Variants in THSD4 observed in about 807,000 individuals in gnomAD.
THSD4 encodes the protein thrombospondin type 1 domain containing 4, also known as thrombospondin type-1 domain-containing protein 4.
In THSD4, 69 loss-of-function variants were observed where a neutral mutation model predicts 119.0. That is an observed-to-expected ratio of 0.58 (90% confidence interval 0.48 to 0.71). THSD4 has a LOEUF of 0.71. THSD4 is among the 30% of genes least tolerant of loss of function. THSD4 has a pLI of 0.00. For synonymous variants in THSD4, 524 were observed against 540.4 expected (o/e 0.97, Z 0.42); for missense variants, 1,393 against 1,391.1 (o/e 1.00, Z -0.02).
At chr15:71,125,076 A>G (rs1437114124) in intron 1 of THSD4, among the ~76,000 whole-genome samples, 1 of 152,104 alleles carries the variant, frequency 6.6e-6, no homozygotes, top group East Asian at 1.9e-4. Context: ...CCAGCCAGAA[A>G]GAGAAGAGAA....
At chr15:71,679,651 T>C (rs1160882053) in intron 8 of THSD4, among the ~76,000 whole-genome samples, 2 of 152,208 alleles carry the variant, frequency 1.3e-5, no homozygotes, top group African/African-American at 4.8e-5. Context: ...TAAGTGAGGG[T>C]GACCTTGACA....
chr15:71,536,780 ATGTGTTT>A (rs1422515358), intron 7 of THSD4, among the ~76,000 whole-genome samples: 1 of 152,060 alleles, frequency 6.6e-6, no homozygotes, highest in African/African-American at 2.4e-5. Context: ...AGAATCTTTG[ATGTGTTT>A]TGAGTTAATT....
At chr15:71,470,792 C>T (rs536427996) in intron 7 of THSD4, among the ~76,000 whole-genome samples, 6 of 151,918 alleles carry the variant, frequency 3.9e-5, no homozygotes, top group South Asian at 2.1e-4. Flanking sequence ...CCCGCCACCG[C>T]GCCCGGCTAA....
chr15:71,621,233 A>G (rs1317467647), intron 7 of THSD4, among the ~76,000 whole-genome samples: 1 of 152,214 alleles, frequency 6.6e-6, no homozygotes, highest in Non-Finnish European at 1.5e-5. Context: ...TAAAAATACT[A>G]CTTAATTACG....
chr15:71,523,737 A>T (rs1246591838), intron 7 of THSD4, among the ~76,000 whole-genome samples: 1 of 152,176 alleles, frequency 6.6e-6, no homozygotes, highest in African/African-American at 2.4e-5. Context: ...TATTTCATGG[A>T]AGAATTTGCC....
intron 7 of THSD4, among the ~76,000 whole-genome samples, chr15:71,475,238 A>G (rs1343546474): frequency 6.6e-6 from 1 of 152,224 alleles, no homozygotes; most frequent in Non-Finnish European, 1.5e-5. Flanking sequence ...ACCTTTGTTT[A>G]TAGATCTCTG....
intron 7 of THSD4, among the ~76,000 whole-genome samples, chr15:71,603,064 G>T (rs575933942): frequency 6.6e-6 from 1 of 152,188 alleles, no homozygotes; most frequent in Non-Finnish European, 1.5e-5. Context: ...GGGCTTAGCG[G>T]TGAGGTTGGC....
At chr15:71,720,491 C>T (rs1052395879) in intron 8 of THSD4, among the ~76,000 whole-genome samples, 1 of 152,172 alleles carries the variant, frequency 6.6e-6, no homozygotes, top group African/African-American at 2.4e-5. Flanking sequence ...TATATGATTT[C>T]CGTTGGTGAT....
chr15:71,131,427 G>A (rs1405211330), intron 1 of THSD4, among the ~76,000 whole-genome samples: 1 of 151,442 alleles, frequency 6.6e-6, no homozygotes, highest in Non-Finnish European at 1.5e-5. Context: ...GGCCGGGCAC[G>A]GGTGGCTCGC....
intron 3 of THSD4, among the ~76,000 whole-genome samples, chr15:71,209,719 T>C (rs1267164371): frequency 6.6e-6 from 1 of 152,176 alleles, no homozygotes; most frequent in East Asian, 1.9e-4. Context: ...TATGGTTGTG[T>C]CCCCACCCAA....
At chr15:71,111,295 C>G (rs1407719467), upstream of THSD4, 2 of 1,613,976 alleles carry the variant, frequency 1.2e-6, no homozygotes, top group South Asian at 2.2e-5. Flanking sequence ...GTCTGGAAAC[C>G]ATTTTGCTCA....
chr15:71,444,514 C>G (rs1460581187), intron 7 of THSD4, among the ~76,000 whole-genome samples: 2 of 152,320 alleles, frequency 1.3e-5, no homozygotes, highest in Non-Finnish European at 2.9e-5. Flanking sequence ...TCCTGAGCAC[C>G]AGACTCATCT....
At chr15:71,469,337 C>T (rs1447136454) in intron 7 of THSD4, among the ~76,000 whole-genome samples, 2 of 152,216 alleles carry the variant, frequency 1.3e-5, no homozygotes, top group Non-Finnish European at 2.9e-5. Context: ...TTTCCACACA[C>T]ACATCCCAAG....
At chr15:71,281,301 A>G (rs1251302749) in intron 6 of THSD4, among the ~76,000 whole-genome samples, 1 of 152,258 alleles carries the variant, frequency 6.6e-6, no homozygotes, top group Non-Finnish European at 1.5e-5. Context: ...TGTGTCTGTG[A>G]AAAACAGCCA....
chr15:71,619,820 C>T (rs139656654), intron 7 of THSD4, among the ~76,000 whole-genome samples: 500 of 152,306 alleles, frequency 3.3e-3, no homozygotes, highest in Non-Finnish European at 4.8e-3. Flanking sequence ...AGTAACAGTT[C>T]ATTTTTCCAA....
chr15:71,123,995 T>G (rs1478686537), intron 1 of THSD4, among the ~76,000 whole-genome samples: 2 of 152,220 alleles, frequency 1.3e-5, no homozygotes, highest in Admixed American at 1.3e-4. Context: ...ACTTGGTATC[T>G]CGTGATGCTT....
At chr15:71,245,814 G>A (rs2140277424) in intron 5 of THSD4, among the ~76,000 whole-genome samples, 1 of 152,244 alleles carries the variant, frequency 6.6e-6, no homozygotes, top group African/African-American at 2.4e-5. Flanking sequence ...TATCATTTAG[G>A]GAGTGGTGAG....
At chr15:71,575,002 A>C (rs2049423267) in intron 7 of THSD4, among the ~76,000 whole-genome samples, 1 of 152,138 alleles carries the variant, frequency 6.6e-6, no homozygotes, top group African/African-American at 2.4e-5. Flanking sequence ...TTAGCGATGC[A>C]TCAGCCGTAT....
intron 8 of THSD4, among the ~76,000 whole-genome samples, chr15:71,716,574 G>C (rs896547176): frequency 2.2e-5 from 2 of 89,712 alleles, no homozygotes; most frequent in Non-Finnish European, 4.5e-5. Context: ...GTGTGTGTGT[G>C]TGTGTGTTGG....
Sources: allele counts gnomAD v4.1 joint callset (sites outside exome capture counted in the v4.1 genomes callset), GRCh38; gene constraint gnomAD v4.1.1; transcripts MANE v1.5; gene names NCBI Gene and HGNC (gene_info 2026-07-23, HGNC 2026-07-21).